TMEFF2: variants seen among roughly 807,000 people sequenced by gnomAD.
TMEFF2 encodes the protein tomoregulin-2.
TMEFF2 carries 28 observed loss-of-function variants against 53.8 expected under a neutral mutation model. The ratio of observed to expected loss-of-function variants is 0.52; its 90% CI spans 0.39 to 0.71. The LOEUF is 0.71. Ranked by LOEUF, TMEFF2 falls within the 30% of genes least tolerant of loss-of-function variation. TMEFF2 has a pLI of 0.00. For synonymous variants in TMEFF2, 162 were observed against 166.3 expected, an observed-to-expected ratio of 0.97 and a Z score of 0.20; for missense variants, 353 against 455.2, an observed-to-expected ratio of 0.78 and a Z score of 2.04.
chr2:192,122,363 C>A (rs1689576562), intron 4 of TMEFF2, among the ~76,000 whole-genome samples: 1 of 152,200 alleles, frequency 6.6e-6, no homozygotes, highest in African/African-American at 2.4e-5. Flanking sequence ...AACCTCCAGT[C>A]TGCTGAAACT....
chr2:192,036,467 A>G (rs1687295613), intron 5 of TMEFF2: 1 of 152,272 alleles, frequency 6.6e-6, no homozygotes, highest in Admixed American at 6.5e-5. Flanking sequence ...GGGGATGATG[A>G]TGATATTCTG....
chr2:192,141,550 A>G (rs1690140488), intron 4 of TMEFF2, among the ~76,000 whole-genome samples: 1 of 152,164 alleles, frequency 6.6e-6, no homozygotes, highest in African/African-American at 2.4e-5. Flanking sequence ...TTAGTAAAAT[A>G]ATTCCAGGTA....
intron 4 of TMEFF2, among the ~76,000 whole-genome samples, chr2:192,089,386 T>C (rs1016483760): frequency 6.6e-6 from 1 of 152,108 alleles, no homozygotes; most frequent in African/African-American, 2.4e-5. Flanking sequence ...TATTGCTCTC[T>C]AGGCAGCAGA....
In TMEFF2 at chr2:192,194,700, G is replaced by A; in HGVS notation, c.-176C>T. On this transcript the variant is annotated 5_prime_UTR_variant, in exon 1 of 10. Transcript: ENST00000272771. This position sits in a 1 kb window ranked among gnomAD's most constrained non-coding sequence, Gnocchi z 4.2. ...CCCGCGCATGATCTCGAGAGTTTCA[G>A]CAACATCCAGGGACTGGGCTCAGCC... is the stretch of plus-strand genomic sequence containing the variant. The A allele has an allele frequency of 4.5e-6, 3 of 663,202 alleles. No individual in the cohort carries two copies. The highest frequency in any genetic ancestry group is 5.5e-5 in the East Asian group (2 of 36,380). 41.1% of individuals were successfully genotyped at this position (663,202 alleles called of 1,614,324 possible). A position where few individuals can be genotyped will look rare whatever the true frequency, so the allele number is the denominator to read the frequency against.
At chr2:192,002,501 G>A (rs1686390483) in intron 5 of TMEFF2, among the ~76,000 whole-genome samples, 1 of 150,916 alleles carries the variant, frequency 6.6e-6, no homozygotes, top group African/African-American at 2.4e-5. Context: ...GTGAATAAGT[G>A]GAAGAAACTT....
At chr2:192,030,738 A>G (rs71414959) in intron 5 of TMEFF2, 1 of 152,154 alleles carries the variant, frequency 6.6e-6, no homozygotes, top group Non-Finnish European at 1.5e-5. Flanking sequence ...ACTGGTGTCA[A>G]CAGAAACAAA....
intron 2 of TMEFF2, among the ~76,000 whole-genome samples, chr2:192,190,293 G>A (rs1433628709): frequency 1.3e-5 from 2 of 151,088 alleles, no homozygotes; most frequent in African/African-American, 2.4e-5. Flanking sequence ...TACTTTTTAT[G>A]AGTTCATTGC....
At chr2:191,994,713 T>G (rs1686182368) in intron 7 of TMEFF2, among the ~76,000 whole-genome samples, 1 of 151,982 alleles carries the variant, frequency 6.6e-6, no homozygotes, top group Admixed American at 6.6e-5. Flanking sequence ...AAGCCCTAGC[T>G]TTGTGTGTTT....
At chr2:191,960,192 A>G (rs573090452) in intron 7 of TMEFF2, among the ~76,000 whole-genome samples, 1 of 152,238 alleles carries the variant, frequency 6.6e-6, no homozygotes, top group South Asian at 2.1e-4. Context: ...GTGTCTTAAA[A>G]AACCAGCCTG....
At chr2:192,148,323 C>A (rs1310446100) in intron 4 of TMEFF2, among the ~76,000 whole-genome samples, 1 of 151,962 alleles carries the variant, frequency 6.6e-6, no homozygotes, top group Admixed American at 6.6e-5. Context: ...ATATTTTCCA[C>A]AATAATATGA....
intron 5 of TMEFF2, among the ~76,000 whole-genome samples, chr2:192,002,231 T>C (rs1296963266): frequency 1.3e-5 from 2 of 152,076 alleles, no homozygotes; most frequent in African/African-American, 4.8e-5. Context: ...TGGTTGATGT[T>C]TTTATTCTCA....
chr2:192,075,306 TATATATATATATATATATATATATATAC>T (rs1220053286), intron 4 of TMEFF2, among the ~76,000 whole-genome samples: 1 of 57,764 alleles, frequency 1.7e-5, no homozygotes, highest in Non-Finnish European at 3.7e-5. Context: ...TATATATATA[TATATATATATATATATATATATATATAC>T]ATACATACTA....
intron 2 of TMEFF2, among the ~76,000 whole-genome samples, chr2:192,191,427 A>G (rs1466757438): frequency 3.3e-5 from 5 of 152,162 alleles, no homozygotes; most frequent in Non-Finnish European, 7.4e-5. Flanking sequence ...ACTAATAAGG[A>G]GTTACCTTAA....
At chr2:192,175,985 T>A (rs77162692) in intron 4 of TMEFF2, among the ~76,000 whole-genome samples, 8,871 of 151,512 alleles carry the variant, frequency 0.059, 332 homozygotes, top group Non-Finnish European at 0.084. Context: ...TAAAAATTAT[T>A]CTTTAACCAC....
chr2:192,075,941 G>A (rs1278523051), intron 4 of TMEFF2, among the ~76,000 whole-genome samples: 1 of 151,802 alleles, frequency 6.6e-6, no homozygotes. Flanking sequence ...AGAAAAGAAA[G>A]ATGGAAGAAA....
At chr2:192,006,277 G>A (rs918080786) in intron 5 of TMEFF2, among the ~76,000 whole-genome samples, 3 of 152,082 alleles carry the variant, frequency 2.0e-5, no homozygotes, top group Non-Finnish European at 2.9e-5. Context: ...ACATGGGGAA[G>A]GTCTTGGGAA....
chr2:192,174,910 G>A lies in TMEFF2; in HGVS notation c.439+4758C>T, dbSNP rs79338140. 5.1e-3 allele frequency among the ~76,000 whole-genome samples: 775 copies of A among 151,710 alleles called. 4 individuals carry two copies. Among genetic ancestry groups the A allele is most frequent in the Non-Finnish European group, 8.7e-3 (587 of 67,762 alleles). On this transcript the variant is annotated intron_variant, in intron 4 of 9. Coordinates refer to ENST00000272771, the MANE Select transcript of TMEFF2 (RefSeq NM_016192.4). Reference sequence around the variant, plus strand: ...GGTATGCTGGTTGGAGAGGGAATTAGTACAGCAACATGGAAGGGAAAATTA... The same window carrying A: ...GGTATGCTGGTTGGAGAGGGAATTAATACAGCAACATGGAAGGGAAAATTA...
At chr2:192,105,448 C>G (rs1323311195) in intron 4 of TMEFF2, among the ~76,000 whole-genome samples, 8 of 151,866 alleles carry the variant, frequency 5.3e-5, no homozygotes, top group Admixed American at 5.3e-4. Flanking sequence ...GAGCAATTTA[C>G]TTTATATGCA....
At chr2:192,100,725 A>AT (rs1188227967) in intron 4 of TMEFF2, among the ~76,000 whole-genome samples, 2 of 152,140 alleles carry the variant, frequency 1.3e-5, no homozygotes, top group African/African-American at 2.4e-5. Flanking sequence ...AAATAATCTG[A>AT]TTTTTTATCT....
Sources: allele counts gnomAD v4.1 joint callset (sites outside exome capture counted in the v4.1 genomes callset), GRCh38; gene constraint gnomAD v4.1.1; non-coding constraint Gnocchi (gnomAD v3.1); transcripts MANE v1.5; gene names NCBI Gene and HGNC (gene_info 2026-07-23, HGNC 2026-07-21).